DPYSL4: variants seen among roughly 807,000 people sequenced by gnomAD.
The protein encoded by DPYSL4 is dihydropyrimidinase like 4.
Under a neutral mutation model 63.4 loss-of-function variants are expected in DPYSL4, and 43 were observed. The observed-to-expected ratio is 0.68, with a 90% CI of 0.53 to 0.88. DPYSL4 has a LOEUF of 0.88. Ranked by LOEUF, DPYSL4 falls within the 40% of genes least tolerant of loss-of-function variation. DPYSL4 has a pLI of 0.00. For synonymous variants in DPYSL4, 353 were observed against 331.7 expected, an observed-to-expected ratio of 1.06 and a Z score of -0.70; for missense variants, 733 against 819.5, an observed-to-expected ratio of 0.89 and a Z score of 1.29.
At chr10:132,194,263 G>A (rs945439971) in intron 3 of DPYSL4, among the ~76,000 whole-genome samples, 2 of 152,272 alleles carry the variant, frequency 1.3e-5, no homozygotes, top group Non-Finnish European at 2.9e-5. Flanking sequence ...CACCTGGCTT[G>A]GAGCTGTGTC....
chr10:132,195,612 C>A (rs545484076), intron 4 of DPYSL4, among the ~76,000 whole-genome samples: 1 of 152,216 alleles, frequency 6.6e-6, no homozygotes, highest in African/African-American at 2.4e-5. Context: ...ATGCCTGCTA[C>A]CCGTCCCCTA....
chr10:132,198,819 G>A lies in DPYSL4; in HGVS notation c.691-32G>A, dbSNP rs374477558. The A allele has an allele frequency of 1.1e-4, 179 of 1,611,234 alleles. 1 individual carries two copies. The African/African-American group carries it at 1.9e-3, about 17-fold the overall frequency. On this transcript the variant is annotated intron_variant, in intron 7 of 13. Coordinates refer to ENST00000338492, the MANE Select transcript of DPYSL4 (RefSeq NM_006426.3). ...ACTGGTCTGGAGCCCCAGGGCCCTCGTGTGGCCTCATCCCTCTCATCTCGT... is the reference window on the plus strand; with the variant it reads ...ACTGGTCTGGAGCCCCAGGGCCCTCATGTGGCCTCATCCCTCTCATCTCGT...
In DPYSL4 at chr10:132,192,622, G is replaced by A. The variant is rs371716608; in HGVS notation, c.129-36G>A. The stretch of plus-strand genomic sequence containing the variant: ...GGAGCCCATCTGGGCTCTGACCTGG[G>A]CTCCCTGTAACCAGTGAAATCTCTG... On this transcript the variant is annotated intron_variant, in intron 2 of 13. Transcript: ENST00000338492. The A allele has an allele frequency of 7.7e-6, 12 of 1,560,552 alleles. No homozygotes were observed. The African/African-American group carries it at 1.5e-4, about 20-fold the overall frequency.
intron 1 of DPYSL4, among the ~76,000 whole-genome samples, chr10:132,187,504 G>A (rs2061818908): frequency 6.6e-6 from 1 of 151,968 alleles, no homozygotes; most frequent in African/African-American, 2.4e-5. Context: ...GTGGCGAGGC[G>A]GGCGGACGCG....
Position 132,200,833 on chromosome 10 carries a change from T to C in DPYSL4, c.969-9T>C. 1 of 1,611,382 alleles carries C rather than the reference T, an allele frequency of 6.2e-7. No individual in the cohort carries two copies. The highest frequency in any genetic ancestry group is 2.2e-5 in the East Asian group (1 of 44,864). ...AGGCCAGGACCCTCTGACCCTGGCTTGTTTCCAGCGGGGACCTCCAGGTGA... is the reference window on the plus strand; with the variant it reads ...AGGCCAGGACCCTCTGACCCTGGCTCGTTTCCAGCGGGGACCTCCAGGTGA... On this transcript the variant is annotated splice_polypyrimidine_tract_variant and intron_variant, in intron 9 of 13. Coordinates refer to ENST00000338492, the MANE Select transcript of DPYSL4 (RefSeq NM_006426.3).
chr10:132,195,420 C>T (rs1326839537), intron 4 of DPYSL4, among the ~76,000 whole-genome samples: 1 of 152,164 alleles, frequency 6.6e-6, no homozygotes, highest in Non-Finnish European at 1.5e-5. Context: ...ACATTTTTCC[C>T]CACAAAAAAC....
intron 1 of DPYSL4, among the ~76,000 whole-genome samples, chr10:132,189,226 C>G (rs961866264): frequency 1.3e-5 from 2 of 152,232 alleles, no homozygotes; most frequent in Non-Finnish European, 2.9e-5. Context: ...AGTTGCAGGG[C>G]GTGCTGAGGC....
chr10:132,202,020 C>G lies in DPYSL4; in HGVS notation c.1185C>G (p.Tyr395Ter). Reference sequence around the variant, plus strand: ...ATGCTGCCAAAATCTTCAATTTTTACCCAAGGAAGGGGCGAGTGGCTGTGG... The same window carrying G: ...ATGCTGCCAAAATCTTCAATTTTTAGCCAAGGAAGGGGCGAGTGGCTGTGG... ...STNAAKIFNF[Y>*]PRKGRVAVGS... Residue 395 changes from tyrosine (Y) to a stop codon, truncating the protein, a stop_gained, in exon 11 of 14, where the codon TAC becomes TAG. Coordinates refer to ENST00000338492, the MANE Select transcript of DPYSL4 (RefSeq NM_006426.3). LOFTEE classifies it high-confidence loss of function. The G allele has an allele frequency of 3.7e-6, 6 of 1,613,346 alleles. No individual in the cohort carries two copies. The highest frequency in any genetic ancestry group is 5.1e-6 in the Non-Finnish European group (6 of 1,179,966).
At chr10:132,190,632 C>A in intron 1 of DPYSL4, 115 bp from the exon 2 acceptor site, 2 of 949,100 alleles carry the variant, frequency 2.1e-6, no homozygotes, top group Non-Finnish European at 3.1e-6. Context: ...CTCGTTTTTA[C>A]GTCTAGAAAT....
intron 3 of DPYSL4, 37 bp downstream of exon 3, chr10:132,192,879 C>T (rs1419776413): frequency 6.5e-7 from 1 of 1,549,788 alleles, no homozygotes; most frequent in African/African-American, 1.4e-5. Context: ...AGGGGGCAGC[C>T]AGCGTCTGCT....
chr10:132,196,436 G>A (rs548200033), intron 4 of DPYSL4, among the ~76,000 whole-genome samples: 165 of 152,358 alleles, frequency 1.1e-3, no homozygotes, highest in African/African-American at 3.7e-3. Context: ...GGCAGGTGCT[G>A]GATGTGCTGG....
intron 13 of DPYSL4, among the ~76,000 whole-genome samples, chr10:132,204,496 C>T (rs554905068): frequency 2.6e-5 from 4 of 152,282 alleles, no homozygotes; most frequent in African/African-American, 9.6e-5. Flanking sequence ...CCTGAGAACC[C>T]GGCACTGTCT....
At chr10:132,198,162 C>CACCA (rs2061968809) in intron 6 of DPYSL4, among the ~76,000 whole-genome samples, 1 of 152,186 alleles carries the variant, frequency 6.6e-6, no homozygotes, top group African/African-American at 2.4e-5. Flanking sequence ...TGCCATCAGT[C>CACCA]AGGAGCCCTG....
At chr10:132,204,495 C>T (rs2137528005) in intron 13 of DPYSL4, among the ~76,000 whole-genome samples, 1 of 152,284 alleles carries the variant, frequency 6.6e-6, no homozygotes, top group South Asian at 2.1e-4. Flanking sequence ...CCCTGAGAAC[C>T]CGGCACTGTC....
rs2062024352 is a variant in DPYSL4, at chr10:132,201,992, C to CA, written c.1160dup (p.Asn387LysfsTer20). On this transcript the variant is annotated frameshift_variant, in exon 11 of 14. Coordinates refer to ENST00000338492, the MANE Select transcript of DPYSL4 (RefSeq NM_006426.3). LOFTEE classifies it high-confidence loss of function. ...AATGAGTTCGTCGCGGTGACCAGTACAAATGCTGCCAAAATCTTCAATTTT... is the reference window on the plus strand; with the variant it reads ...AATGAGTTCGTCGCGGTGACCAGTACAAAATGCTGCCAAAATCTTCAATTTT... 1 of 1,613,354 alleles carries CA rather than the reference C, an allele frequency of 6.2e-7. No individual in the cohort carries two copies. Among genetic ancestry groups the CA allele is most frequent in the Non-Finnish European group, 8.5e-7 (1 of 1,179,974 alleles).
In DPYSL4 at chr10:132,200,453, A is replaced by G. The variant is rs201032462; in HGVS notation, c.909A>G (p.Thr303=). 16 of 1,613,418 alleles carry G rather than the reference A, an allele frequency of 9.9e-6. No homozygotes were observed. In the African/African-American group the frequency reaches 1.9e-4, roughly 19 times the overall value. The part of the protein sequence containing the change: ...KNWAKAAAFV[T]SPPVNPDPTT... ...GGGCCAAGGCCGCAGCCTTCGTCAC[A>G]TCACCCCCTGTCAACCCAGACCCCA... The change falls in exon 9 of 14, where the codon ACA becomes ACG. Residue 303 remains threonine (T), a synonymous_variant. Coordinates refer to ENST00000338492, the MANE Select transcript of DPYSL4 (RefSeq NM_006426.3).
intron 10 of DPYSL4, among the ~76,000 whole-genome samples, chr10:132,201,273 C>T (rs1250783757): frequency 2.0e-5 from 3 of 152,124 alleles, no homozygotes; most frequent in South Asian, 2.1e-4. Context: ...GGGGTCTCCA[C>T]GCTGTGATGT....
At position 132,187,021 on chromosome 10, in the gene DPYSL4, G is replaced by GCCCGCCCC. The variant is rs1449090294; in HGVS notation, c.-40_-39insGCCCCCCC. The GCCCGCCCC allele has an allele frequency of 1.0e-5, 1 of 98,914 alleles. No homozygotes were observed. Among genetic ancestry groups the GCCCGCCCC allele is most frequent in the African/African-American group, 6.3e-5 (1 of 15,756 alleles). The allele number at this position is 98,914 out of a possible 1,614,324, so 6.1% of individuals were successfully genotyped here. ...CCCCCGCCCGCCCGCCCGCCCGCCC[G>GCCCGCCCC]CCCCCGCTTGTGCCGCCCCTACCAG... On this transcript the variant is annotated 5_prime_UTR_variant, in exon 1 of 14. Transcript: ENST00000338492.
Position 132,195,028 on chromosome 10 carries a change from G to A in DPYSL4, c.478+19G>A. On this transcript the variant is annotated intron_variant, in intron 4 of 13. Transcript: ENST00000338492. The stretch of plus-strand genomic sequence containing the variant: ...GAGAAGGGTGAGGGTGGCTGGAGGG[G>A]CTGGAGGGCGGGCATGGAGCCTGGT... The A allele has an allele frequency of 3.1e-6, 5 of 1,595,016 alleles. No homozygotes were observed. The highest frequency in any genetic ancestry group is 2.2e-5 in the South Asian group (2 of 90,640).
Sources: gnomAD v4.1 joint callset for allele counts (sites outside exome capture counted in the v4.1 genomes callset) on GRCh38, gnomAD v4.1.1 for gene constraint, MANE v1.5 for transcripts, NCBI Gene and HGNC (gene_info 2026-07-23, HGNC 2026-07-21) for gene names.